Variants in RBFOX1 observed in about 807,000 individuals in gnomAD.
RBFOX1 encodes the protein RNA binding protein fox-1 homolog 1.
A neutral mutation model predicts 57.7 loss-of-function variants in RBFOX1; 8 were observed. That is an observed-to-expected ratio of 0.14 (90% CI 0.08 to 0.25). The LOEUF is 0.25. Ranked by LOEUF, RBFOX1 falls within the 10% of genes least tolerant of loss-of-function variation. The probability of loss-of-function intolerance (pLI) is 1.00; values close to 1 mark genes in which losing one functional copy is unlikely to be tolerated. For missense variants in RBFOX1, 611 were observed against 548.5 expected, an observed-to-expected ratio of 1.11 and a Z score of -1.14; for synonymous variants, 326 against 222.4, an observed-to-expected ratio of 1.47 and a Z score of -4.15.
chr16:7,273,403 G>C (rs990648954), intron 4 of RBFOX1, among the ~76,000 whole-genome samples: 6 of 151,970 alleles, frequency 3.9e-5, no homozygotes, highest in Non-Finnish European at 8.8e-5. Flanking sequence ...ATAATGGCTT[G>C]GTGCCTTTCT....
intron 4 of RBFOX1, among the ~76,000 whole-genome samples, chr16:7,208,956 A>G (rs949377809): frequency 2.0e-5 from 3 of 151,986 alleles, no homozygotes; most frequent in African/African-American, 7.2e-5. Context: ...TGAGGGACCC[A>G]TCTACTCTTC....
intron 4 of RBFOX1, among the ~76,000 whole-genome samples, chr16:7,210,316 G>T (rs1477095849): frequency 6.6e-6 from 1 of 152,094 alleles, no homozygotes; most frequent in Non-Finnish European, 1.5e-5. Context: ...GAGTATGTTG[G>T]CAACTCTTGG....
At chr16:5,928,509 C>A (rs1245783694) in intron 4 of RBFOX1, among the ~76,000 whole-genome samples, 1 of 151,924 alleles carries the variant, frequency 6.6e-6, no homozygotes, top group Non-Finnish European at 1.5e-5. Flanking sequence ...TGTTGTACCC[C>A]ATAAACATAT....
At chr16:7,072,590 C>G (rs115541098) in intron 4 of RBFOX1, among the ~76,000 whole-genome samples, 23 of 152,188 alleles carry the variant, frequency 1.5e-4, no homozygotes, top group Admixed American at 7.2e-4. Flanking sequence ...ATAACATAAT[C>G]TGGCTACAAG....
At chr16:7,403,306 G>A (rs4786159) in intron 4 of RBFOX1, among the ~76,000 whole-genome samples, 99,069 of 151,862 alleles carry the variant, frequency 0.65, 32,930 homozygotes, top group Admixed American at 0.73. Flanking sequence ...TGTAGTCACC[G>A]TGCTATACAT....
chr16:7,644,588 AG>A (rs1379548908), intron 11 of RBFOX1, among the ~76,000 whole-genome samples: 2 of 152,198 alleles, frequency 1.3e-5, no homozygotes, highest in African/African-American at 4.8e-5. Context: ...TCGTAACTGT[AG>A]GACTATGGCA....
intron 14 of RBFOX1, among the ~76,000 whole-genome samples, chr16:7,686,250 A>G (rs1338657521): frequency 6.6e-6 from 1 of 152,042 alleles, no homozygotes; most frequent in Admixed American, 6.6e-5. Flanking sequence ...TTTTTGACTA[A>G]ATACATTTGT....
chr16:5,465,637 GC>G (rs1213253380), intron 1 of RBFOX1, among the ~76,000 whole-genome samples: 4 of 152,136 alleles, frequency 2.6e-5, no homozygotes, highest in African/African-American at 9.7e-5. Context: ...ACTCACCCTA[GC>G]CCATGTTCGT....
intron 3 of RBFOX1, among the ~76,000 whole-genome samples, chr16:6,754,760 T>G (rs1235936954): frequency 6.6e-6 from 1 of 152,132 alleles, no homozygotes; most frequent in Non-Finnish European, 1.5e-5. Context: ...ATGTGCAGGT[T>G]AGTTACATAT....
intron 2 of RBFOX1, among the ~76,000 whole-genome samples, chr16:6,518,248 C>A (rs1341841441): frequency 1.3e-5 from 2 of 152,206 alleles, no homozygotes; most frequent in African/African-American, 4.8e-5. Flanking sequence ...CACCATGTAC[C>A]ATTTAAGAAA....
At chr16:6,817,824 T>A (rs1374791712) in intron 3 of RBFOX1, among the ~76,000 whole-genome samples, 1 of 152,144 alleles carries the variant, frequency 6.6e-6, no homozygotes, top group African/African-American at 2.4e-5. Context: ...ACTCAAGAAT[T>A]CATGAAGTCC....
chr16:6,543,015 C>T (rs1342565856), intron 2 of RBFOX1, among the ~76,000 whole-genome samples: 2 of 152,220 alleles, frequency 1.3e-5, no homozygotes, highest in Admixed American at 6.5e-5. Context: ...TCTCACTCTC[C>T]CTCCCCAGGG....
At chr16:6,336,647 G>T (rs1030638166) in intron 2 of RBFOX1, among the ~76,000 whole-genome samples, 2 of 152,036 alleles carry the variant, frequency 1.3e-5, no homozygotes, top group Non-Finnish European at 2.9e-5. Context: ...AACTTCCTTG[G>T]CCTCTGTCTC....
intron 3 of RBFOX1, among the ~76,000 whole-genome samples, chr16:5,787,063 G>C (rs1440383459): frequency 6.6e-6 from 1 of 152,198 alleles, no homozygotes; most frequent in Admixed American, 6.5e-5. Flanking sequence ...TTAAACAGGA[G>C]GTGGAGGTTG....
chr16:6,830,632 A>G (rs2092638959), intron 3 of RBFOX1, among the ~76,000 whole-genome samples: 1 of 152,158 alleles, frequency 6.6e-6, no homozygotes, highest in South Asian at 2.1e-4. Context: ...TAAACATACC[A>G]CAGTATATAG....
chr16:7,414,491 A>G (rs4786164), intron 4 of RBFOX1, among the ~76,000 whole-genome samples: 9 of 152,170 alleles, frequency 5.9e-5, no homozygotes, highest in Admixed American at 5.9e-4. Flanking sequence ...ACAGATCTGT[A>G]GTAGTCATCT....
At chr16:7,541,566 T>C (rs935429132) in intron 5 of RBFOX1, among the ~76,000 whole-genome samples, 1 of 152,212 alleles carries the variant, frequency 6.6e-6, no homozygotes, top group Non-Finnish European at 1.5e-5. Flanking sequence ...ATCCTGCTTA[T>C]TCCATCTAGA....
At chr16:6,516,340 C>G (rs2096377888) in intron 2 of RBFOX1, among the ~76,000 whole-genome samples, 1 of 152,152 alleles carries the variant, frequency 6.6e-6, no homozygotes. Context: ...CTATCTAATC[C>G]TCAGTTTCTT....
At chr16:6,962,636 CG>C (rs1417108140) in intron 3 of RBFOX1, among the ~76,000 whole-genome samples, 1 of 151,978 alleles carries the variant, frequency 6.6e-6, no homozygotes, top group Non-Finnish European at 1.5e-5. Context: ...AGGCCGAGGC[CG>C]GTAGATTGGT....
Sources: allele counts gnomAD v4.1 joint callset (sites outside exome capture counted in the v4.1 genomes callset), GRCh38; gene constraint gnomAD v4.1.1; transcripts MANE v1.5; gene names NCBI Gene and HGNC (gene_info 2026-07-23, HGNC 2026-07-21).